Variants in FCHO2 observed in about 807,000 individuals in gnomAD.
The protein encoded by FCHO2 is F-BAR domain only protein 2.
In FCHO2, 43 loss-of-function variants were observed where a neutral mutation model predicts 114.1. The observed-to-expected ratio is 0.38, with a 90% CI of 0.30 to 0.49. FCHO2 has a LOEUF of 0.49. Ranked by LOEUF, FCHO2 falls within the 20% of genes least tolerant of loss-of-function variation. The pLI is 0.97. For synonymous variants in FCHO2, 293 were observed against 315.2 expected (o/e 0.93, Z 0.75); for missense variants, 807 against 950.4 (o/e 0.85, Z 1.98).
At chr5:73,035,274 G>A (rs549057471) in intron 9 of FCHO2, among the ~76,000 whole-genome samples, 28 of 152,060 alleles carry the variant, frequency 1.8e-4, no homozygotes, top group African/African-American at 6.5e-4. Context: ...TTTAAAATTA[G>A]CAGGTGTGGT....
rs2112902537 is a variant in FCHO2 at position 73,089,401 on chromosome 5, A to G, written c.*1311A>G. 1 of 152,276 alleles carries G rather than the reference A, an allele frequency of 6.6e-6. No individual in the cohort carries two copies. Among genetic ancestry groups the G allele is most frequent in the Non-Finnish European group, 1.5e-5 (1 of 67,946 alleles). 9.4% of individuals were successfully genotyped at this position (152,276 alleles called of 1,614,324 possible). A position where few individuals can be genotyped will look rare whatever the true frequency, so the allele number is the denominator to read the frequency against. ...ACTGCCATTTGTTTTTATTTCAACA[A>G]TTGGAAAAATTACCAATTTGTACAT... On this transcript the variant is annotated 3_prime_UTR_variant, in exon 26 of 26. Coordinates refer to ENST00000430046, the MANE Select transcript of FCHO2 (RefSeq NM_138782.3).
intron 5 of FCHO2, among the ~76,000 whole-genome samples, chr5:73,004,953 T>G (rs898556190): frequency 6.6e-6 from 1 of 152,200 alleles, no homozygotes; most frequent in Non-Finnish European, 1.5e-5. Context: ...ATCCATGGCT[T>G]CAGACATCTA....
intron 11 of FCHO2, among the ~76,000 whole-genome samples, chr5:73,042,666 T>C (rs890130718): frequency 1.3e-5 from 2 of 152,276 alleles, no homozygotes; most frequent in Non-Finnish European, 1.5e-5. Flanking sequence ...ATTTGAATTA[T>C]CAGAGACTGG....
intron 8 of FCHO2, among the ~76,000 whole-genome samples, chr5:73,027,070 A>T (rs1755980093): frequency 7.2e-6 from 1 of 139,280 alleles, no homozygotes. Flanking sequence ...CTGGAATTTG[A>T]GTCACTGTAA....
intron 2 of FCHO2, among the ~76,000 whole-genome samples, chr5:72,987,153 G>A (rs77872175): frequency 0.12 from 17,875 of 151,968 alleles, 1,267 homozygotes; most frequent in Non-Finnish European, 0.17. Context: ...TGGGATTACC[G>A]GCGTGAGCCA....
chr5:72,968,826 T>G (rs1337251506), intron 2 of FCHO2, among the ~76,000 whole-genome samples: 1 of 152,214 alleles, frequency 6.6e-6, no homozygotes. Flanking sequence ...TTGAAAATAT[T>G]ATCTACATAT....
At chr5:73,031,208 G>A (rs1270241919) in intron 8 of FCHO2, among the ~76,000 whole-genome samples, 1 of 152,158 alleles carries the variant, frequency 6.6e-6, no homozygotes, top group East Asian at 1.9e-4. Context: ...TGAAAATGTA[G>A]TAATTGATTT....
chr5:73,054,491 G>A, intron 14 of FCHO2, 34 bp from the exon 15 acceptor site: 1 of 1,518,728 alleles, frequency 6.6e-7, no homozygotes, highest in South Asian at 1.3e-5. Flanking sequence ...AAATTCATTT[G>A]TTTTATGGTA....
chr5:73,081,739 A>G (rs774380361), intron 22 of FCHO2, 44 bp from the exon 23 acceptor site: 1 of 1,396,804 alleles, frequency 7.2e-7, no homozygotes, highest in East Asian at 2.6e-5. Context: ...TGACTTCTTA[A>G]CTTTTCAGGC....
rs551121686 is a variant in FCHO2, at chr5:73,087,479, C to T, written c.2246-110C>T. ...ATAATAGTTTGTTTACTGTGCACAT[C>T]TAATGAATGTAGCACAGGACTGATG... On this transcript the variant is annotated intron_variant, in intron 24 of 25. Transcript: ENST00000430046. The T allele has an allele frequency of 7.4e-6, 9 of 1,216,324 alleles. No homozygotes were observed. The African/African-American group carries it at 1.1e-4, about 14-fold the overall frequency. The allele number at this position is 1,216,324 out of a possible 1,614,324, so 75.3% of individuals were successfully genotyped here. A position where few individuals can be genotyped will look rare whatever the true frequency, so the allele number is the denominator to read the frequency against.
intron 8 of FCHO2, among the ~76,000 whole-genome samples, chr5:73,030,143 G>A (rs6871266): frequency 0.3 from 44,954 of 151,110 alleles, 6,898 homozygotes; most frequent in East Asian, 0.44. Context: ...CTGGGTTCAA[G>A]TGATTGTCCT....
chr5:73,071,598 C>G (rs563929723), intron 19 of FCHO2, among the ~76,000 whole-genome samples: 2 of 152,124 alleles, frequency 1.3e-5, no homozygotes, highest in Non-Finnish European at 2.9e-5. Flanking sequence ...ACAATCTACC[C>G]TTATTAAGAG....
chr5:72,990,267 A>G (rs1394881604), intron 3 of FCHO2, among the ~76,000 whole-genome samples: 2 of 152,122 alleles, frequency 1.3e-5, no homozygotes, highest in Admixed American at 6.5e-5. Flanking sequence ...ACCCATTTCT[A>G]TATTCCTGAG....
chr5:73,010,296 A>G (rs1413466545), intron 6 of FCHO2, among the ~76,000 whole-genome samples: 2 of 152,182 alleles, frequency 1.3e-5, no homozygotes, highest in East Asian at 3.8e-4. Flanking sequence ...GATAAAAATG[A>G]TTGAAATTGT....
chr5:73,074,729 G>A lies in FCHO2; in HGVS notation c.1580-13G>A. 1 of 1,601,606 alleles carries A rather than the reference G, an allele frequency of 6.2e-7. No homozygotes were observed. Among genetic ancestry groups the A allele is most frequent in the Non-Finnish European group, 8.5e-7 (1 of 1,171,744 alleles). Reference sequence around the variant, plus strand: ...TTCTGAAGGATTTAACAAGTTAATTGTGTATATTCTAGGTGTGTCACGGGG... The same window carrying A: ...TTCTGAAGGATTTAACAAGTTAATTATGTATATTCTAGGTGTGTCACGGGG... On this transcript the variant is annotated splice_polypyrimidine_tract_variant and intron_variant, in intron 19 of 25. Coordinates refer to ENST00000430046, the MANE Select transcript of FCHO2 (RefSeq NM_138782.3).
intron 1 of FCHO2, among the ~76,000 whole-genome samples, chr5:72,961,130 A>T (rs1400079825): frequency 6.6e-6 from 1 of 152,122 alleles, no homozygotes; most frequent in East Asian, 1.9e-4. Context: ...TTGATTTATC[A>T]TTACTTGGAT....
chr5:73,014,757 G>T (rs548293706), intron 6 of FCHO2, among the ~76,000 whole-genome samples: 1 of 151,902 alleles, frequency 6.6e-6, no homozygotes, highest in African/African-American at 2.4e-5. Flanking sequence ...CTAATTTTCT[G>T]ATCACGATTA....
chr5:73,033,134 G>C (rs2112790392), intron 8 of FCHO2, among the ~76,000 whole-genome samples: 1 of 152,182 alleles, frequency 6.6e-6, no homozygotes, highest in South Asian at 2.1e-4. Flanking sequence ...TGCAGAATGG[G>C]TTTGAATAAA....
chr5:73,025,300 C>T (rs1755854331), intron 8 of FCHO2, among the ~76,000 whole-genome samples: 1 of 151,918 alleles, frequency 6.6e-6, no homozygotes, highest in Non-Finnish European at 1.5e-5. Flanking sequence ...TCTCTGCCTC[C>T]CGAGTTCAAG....
Sources: allele counts gnomAD v4.1 joint callset (sites outside exome capture counted in the v4.1 genomes callset), GRCh38; gene constraint gnomAD v4.1.1; transcripts MANE v1.5; gene names NCBI Gene and HGNC (gene_info 2026-07-23, HGNC 2026-07-21).